Variants in LAP3 observed in about 807,000 individuals in gnomAD.
The protein encoded by LAP3 is cytosol aminopeptidase.
A neutral mutation model predicts 58.8 loss-of-function variants in LAP3; 46 were observed. The ratio of observed to expected loss-of-function variants is 0.78; its 90% CI spans 0.62 to 1.00. The LOEUF is 1.00. LAP3 is among the 50% of genes least tolerant of loss of function. The pLI, the probability that LAP3 is intolerant of heterozygous loss-of-function variation, is 0.00. For synonymous variants in LAP3, 257 were observed against 237.7 expected (o/e 1.08, Z -0.75); for missense variants, 615 against 659.1 (o/e 0.93, Z 0.73).
At position 17,577,614 on chromosome 4, in the gene LAP3, G is replaced by A. The variant is rs754005661; in HGVS notation, c.102+47G>A. ...ATGGTCCGCCGCTGGGGCCCTGCCC[G>A]TGGGCTACTGGGGCTGCGGGGCTGG... On this transcript the variant is annotated intron_variant, in intron 1 of 12. Transcript: ENST00000226299. 3.1e-5 allele frequency: 44 copies of A among 1,418,242 alleles called. 1 individual carries two copies. Among genetic ancestry groups the A allele is most frequent in the East Asian group, 1.9e-4 (7 of 36,710 alleles). 87.9% of individuals were successfully genotyped at this position (1,418,242 alleles called of 1,614,324 possible).
chr4:17,603,569 A>G (rs1156427492), intron 10 of LAP3, among the ~76,000 whole-genome samples: 6 of 150,832 alleles, frequency 4.0e-5, no homozygotes, highest in Non-Finnish European at 7.4e-5. Context: ...CAATGGTGCA[A>G]TCTCGGCTCT....
At chr4:17,588,707 A>G (rs1490074439) in intron 6 of LAP3, 112 bp from the exon 7 acceptor site, 7 of 978,440 alleles carry the variant, frequency 7.2e-6, no homozygotes, top group African/African-American at 4.9e-5. Flanking sequence ...TAATGTGCGT[A>G]TACTTTAAGA....
chr4:17,584,854 G>A (rs1713460404), intron 5 of LAP3, 118 bp from the exon 6 acceptor site: 1 of 991,820 alleles, frequency 1.0e-6, no homozygotes, highest in Non-Finnish European at 1.5e-6. Context: ...TGTGCCAATT[G>A]TTTTTGATTT....
At chr4:17,587,060 C>T (rs1250558065) in intron 6 of LAP3, among the ~76,000 whole-genome samples, 2 of 152,106 alleles carry the variant, frequency 1.3e-5, no homozygotes, top group African/African-American at 2.4e-5. Flanking sequence ...GAGCTGAGAT[C>T]GCACCGCTGC....
chr4:17,588,168 T>C (rs1713578332), intron 6 of LAP3, among the ~76,000 whole-genome samples: 2 of 151,454 alleles, frequency 1.3e-5, no homozygotes, highest in Admixed American at 1.3e-4. Flanking sequence ...GCTAGGACAA[T>C]AGGCAGGCAC....
chr4:17,596,963 G>A, intron 8 of LAP3, 83 bp from the exon 9 acceptor site: 1 of 1,245,136 alleles, frequency 8.0e-7, no homozygotes, highest in Non-Finnish European at 1.2e-6. Context: ...TGCTTCTCAT[G>A]GCTCACAGGT....
chr4:17,607,392 C>A lies in LAP3; in HGVS notation c.1371-8C>A. ...GGGTTGTAAAGTGCTTTTTGTCTTT[C>A]TCTTCAGATCTGCAGGAGCATGTAC... is the stretch of plus-strand genomic sequence containing the variant. On this transcript the variant is annotated splice_polypyrimidine_tract_variant and splice_region_variant and intron_variant, in intron 12 of 12. Transcript: ENST00000226299. 6.2e-7 allele frequency: 1 copy of A among 1,602,290 alleles called. No homozygotes were observed. The highest frequency in any genetic ancestry group is 1.1e-5 in the South Asian group (1 of 89,150).
At chr4:17,597,397 G>A (rs41268397) in intron 9 of LAP3, among the ~76,000 whole-genome samples, 3,151 of 152,200 alleles carry the variant, frequency 0.021, 38 homozygotes, top group South Asian at 0.023. Flanking sequence ...ACACCTTAGC[G>A]ACCTGAGTAG....
chr4:17,589,644 G>C (rs1449911198), intron 7 of LAP3, among the ~76,000 whole-genome samples: 1 of 151,750 alleles, frequency 6.6e-6, no homozygotes, highest in Non-Finnish European at 1.5e-5. Flanking sequence ...AAAAAATATA[G>C]AGATGAGTTT....
In LAP3 at chr4:17,583,610, G is replaced by C. The variant is rs747225995; in HGVS notation, c.507G>C (p.Lys169Asn). ...AATACGATGACCTAAAGCAAAAAAAGAAGATGGCTGTGTCGGCAAAGCTCT... is the reference window on the plus strand; with the variant it reads ...AATACGATGACCTAAAGCAAAAAAACAAGATGGCTGTGTCGGCAAAGCTCT... ...LYEYDDLKQK[K>N]KMAVSAKLYG... Residue 169 changes from lysine to asparagine, a missense_variant, in exon 5 of 13, where the codon AAG (lysine) becomes AAC (asparagine). Transcript: ENST00000226299. The C allele has an allele frequency of 6.2e-7, 1 of 1,614,170 alleles. No individual in the cohort carries two copies. Among genetic ancestry groups the C allele is most frequent in the Non-Finnish European group, 8.5e-7 (1 of 1,180,032 alleles).
chr4:17,605,641 T>C (rs756939605), intron 11 of LAP3, among the ~76,000 whole-genome samples: 3 of 152,152 alleles, frequency 2.0e-5, no homozygotes, highest in Non-Finnish European at 4.4e-5. Flanking sequence ...CTCCTTCATA[T>C]ATGTCATCAT....
Position 17,595,306 on chromosome 4 carries a change from G to A in LAP3, c.864-104G>A, listed in dbSNP as rs1233438796. On this transcript the variant is annotated intron_variant, in intron 7 of 12. Coordinates refer to ENST00000226299, the MANE Select transcript of LAP3 (RefSeq NM_015907.3). ...GCCCACCTCGGCCTCCCAAAGTGCT[G>A]GGATTACAGGCGTGAGCCACCGTGC... 10 of 1,338,622 alleles carry A rather than the reference G, an allele frequency of 7.5e-6. No homozygotes were observed. In the African/African-American group the frequency reaches 1.5e-4, roughly 19 times the overall value. 82.9% of individuals were successfully genotyped at this position (1,338,622 alleles called of 1,614,324 possible).
chr4:17,580,350 A>G (rs907303714), intron 2 of LAP3, among the ~76,000 whole-genome samples: 8 of 149,256 alleles, frequency 5.4e-5, no homozygotes, highest in African/African-American at 1.5e-4. Flanking sequence ...TTTTGTCAGA[A>G]GAGACAATGC....
At chr4:17,579,757 G>A in intron 1 of LAP3, 67 bp from the exon 2 acceptor site, 2 of 775,488 alleles carry the variant, frequency 2.6e-6, no homozygotes, top group Non-Finnish European at 4.2e-6. Flanking sequence ...GGAATTTGGG[G>A]ACTCCTGAGC....
intron 12 of LAP3, 45 bp from the exon 13 acceptor site, chr4:17,607,355 C>T (rs765338821): frequency 6.5e-7 from 1 of 1,547,080 alleles, no homozygotes; most frequent in South Asian, 1.2e-5. Flanking sequence ...GATCTCAGTG[C>T]ACATTTACAT....
intron 4 of LAP3, 88 bp downstream of exon 4, chr4:17,582,481 C>A: frequency 1.1e-6 from 1 of 886,236 alleles, no homozygotes; most frequent in Non-Finnish European, 1.8e-6. Context: ...TTACCAGTTG[C>A]CACCCCTTAC....
At chr4:17,606,019 T>C (rs951453181) in intron 11 of LAP3, among the ~76,000 whole-genome samples, 1 of 152,234 alleles carries the variant, frequency 6.6e-6, no homozygotes, top group Non-Finnish European at 1.5e-5. Context: ...TTTATGTATC[T>C]GTTTCTCCTA....
In LAP3 at chr4:17,581,832, T is replaced by C. The variant is rs1364882254; in HGVS notation, c.273+18T>C. 3 of 1,608,222 alleles carry C rather than the reference T, an allele frequency of 1.9e-6. No individual in the cohort carries two copies. Among genetic ancestry groups the C allele is most frequent in the Non-Finnish European group, 2.6e-6 (3 of 1,174,924 alleles). ...TGCATCAGGTATGAGAAGAACGTGA[T>C]CATTTGGTAAACCCTCAATGAGCAT... is the stretch of plus-strand genomic sequence containing the variant. On this transcript the variant is annotated intron_variant, in intron 3 of 12. Transcript: ENST00000226299.
chr4:17,580,820 G>A (rs1330377880), intron 2 of LAP3, among the ~76,000 whole-genome samples: 1 of 152,162 alleles, frequency 6.6e-6, no homozygotes. Flanking sequence ...GTAACTGCAT[G>A]CTGTATTTGG....
Sources: gnomAD v4.1 joint callset for allele counts (sites outside exome capture counted in the v4.1 genomes callset) on GRCh38, gnomAD v4.1.1 for gene constraint, MANE v1.5 for transcripts, NCBI Gene and HGNC (gene_info 2026-07-23, HGNC 2026-07-21) for gene names.